Variants in IGF1R observed in about 807,000 individuals in gnomAD.
The protein encoded by IGF1R is insulin like growth factor 1 receptor, also known as insulin-like growth factor 1 receptor.
A neutral mutation model predicts 144.6 loss-of-function variants in IGF1R; 44 were observed. The ratio of observed to expected loss-of-function variants is 0.30; its 90% CI spans 0.24 to 0.39. The LOEUF (loss-of-function observed/expected upper bound fraction) is 0.39. Among genes scored for constraint, IGF1R ranks in the 10% least tolerant of loss-of-function variants. The pLI is 1.00. For synonymous variants in IGF1R, 795 were observed against 722.8 expected (o/e 1.10, Z -1.60); for missense variants, 1,355 against 1,833.7 (o/e 0.74, Z 4.77).
At chr15:98,950,216 C>G (rs1229455190) in intron 20 of IGF1R, among the ~76,000 whole-genome samples, 1 of 152,246 alleles carries the variant, frequency 6.6e-6, no homozygotes, top group Non-Finnish European at 1.5e-5. Flanking sequence ...GGAGCCAGCA[C>G]AGACTCAGGC....
Position 98,794,214 on chromosome 15 carries a change from C to T in IGF1R, c.640+86107C>T, listed in dbSNP as rs371394579. ...TTAGAAACGCCAGTCTAGACTTCCG[C>T]AGTTTTGGATTCGTGGCCATAGTTT... is the stretch of plus-strand genomic sequence containing the variant. On this transcript the variant is annotated intron_variant, in intron 2 of 20. Transcript: ENST00000650285. Among the ~76,000 whole-genome samples, 133 of 152,282 alleles carry T rather than the reference C, an allele frequency of 8.7e-4. 2 individuals are homozygous for T. In the South Asian group the frequency reaches 0.027, roughly 30 times the overall value.
At chr15:98,730,720 C>G (rs1003327141) in intron 2 of IGF1R, among the ~76,000 whole-genome samples, 3 of 152,098 alleles carry the variant, frequency 2.0e-5, no homozygotes, top group Non-Finnish European at 4.4e-5. Context: ...TTTAAATATT[C>G]GAGATCTGTA....
rs751054954 is a variant in IGF1R, at chr15:98,891,488, C to T, written c.804C>T (p.Thr268=). Residue 268 remains threonine (T), a synonymous_variant, in exon 3 of 21, where the codon ACC becomes ACT. Transcript: ENST00000650285. The surrounding 1 kb of genome is among the most constrained non-coding windows in gnomAD (Gnocchi z 4.7). ...GTGTGCCTGCCTGCCCGCCCAACAC[C>T]TACAGGTTTGAGGGCTGGCGCTGTG... The part of the protein sequence containing the change: ...GVCVPACPPN[T]YRFEGWRCVD... 1.2e-6 allele frequency: 2 copies of T among 1,613,972 alleles called. No homozygotes were observed. Among genetic ancestry groups the T allele is most frequent in the Non-Finnish European group, 1.7e-6 (2 of 1,180,048 alleles).
intron 2 of IGF1R, among the ~76,000 whole-genome samples, chr15:98,886,027 A>G (rs527355163): frequency 6.6e-6 from 1 of 152,314 alleles, no homozygotes; most frequent in South Asian, 2.1e-4. Context: ...CATGTTGGGC[A>G]GGCTGGTCTT....
intron 1 of IGF1R, among the ~76,000 whole-genome samples, chr15:98,684,787 A>T (rs182426889): frequency 6.6e-6 from 1 of 152,084 alleles, no homozygotes. Flanking sequence ...CTGGGCTTGC[A>T]TTCTATCCAG....
chr15:98,842,595 C>G (rs778903044), intron 2 of IGF1R, among the ~76,000 whole-genome samples: 1 of 152,136 alleles, frequency 6.6e-6, no homozygotes, highest in African/African-American at 2.4e-5. Context: ...GACAGTCATG[C>G]AATTATTTTT....
intron 1 of IGF1R, among the ~76,000 whole-genome samples, chr15:98,662,162 G>A (rs956160797): frequency 1.1e-4 from 17 of 150,520 alleles, no homozygotes; most frequent in Admixed American, 2.6e-4. Context: ...TTTTTTTCTA[G>A]TAGAGACGGG....
At chr15:98,738,526 A>G (rs905004179) in intron 2 of IGF1R, among the ~76,000 whole-genome samples, 71 of 152,174 alleles carry the variant, frequency 4.7e-4, no homozygotes, top group African/African-American at 1.7e-3. Flanking sequence ...ACAGAGTGAG[A>G]CTCTGCCCCA....
At chr15:98,879,289 A>G (rs1298618520) in intron 2 of IGF1R, among the ~76,000 whole-genome samples, 4 of 152,246 alleles carry the variant, frequency 2.6e-5, no homozygotes, top group African/African-American at 2.4e-5. Context: ...TTATAAAAAT[A>G]CAGTGATAGT....
chr15:98,882,040 T>G (rs893141662), intron 2 of IGF1R, among the ~76,000 whole-genome samples: 1 of 152,168 alleles, frequency 6.6e-6, no homozygotes, highest in African/African-American at 2.4e-5. Flanking sequence ...CAGCTATGTT[T>G]GATGATAGTT....
At chr15:98,715,681 G>T (rs1056043092) in intron 2 of IGF1R, among the ~76,000 whole-genome samples, 3 of 152,152 alleles carry the variant, frequency 2.0e-5, no homozygotes, top group African/African-American at 7.2e-5. Context: ...GTTAAGTTTG[G>T]CTGGTGGTGA....
chr15:98,929,657 A>G lies in IGF1R; in HGVS notation c.2882A>G (p.Lys961Arg), dbSNP rs142543491. 4 of 1,608,854 alleles carry G rather than the reference A, an allele frequency of 2.5e-6. No homozygotes were observed. The African/African-American group carries it at 4.0e-5, about 16-fold the overall frequency. ...ATTATGCTGTACGTCTTCCATAGAA[A>G]GAGGTCAGTGATGTGCAAAGTTATG... ...LVIMLYVFHR[K>R]RNNSRLGNGV... The change falls in exon 14 of 21, where the codon AAG becomes AGG. Residue 961 changes from lysine (K) to arginine (R), a missense_variant. By Grantham distance (26) the Lys-to-Arg change is conservative. This residue lies in a region of IGF1R where 880 missense variants were observed against 1,202.7 expected (regional missense o/e 0.73). Coordinates refer to ENST00000650285, the MANE Select transcript of IGF1R (RefSeq NM_000875.5).
At chr15:98,726,484 AT>A (rs2054362872) in intron 2 of IGF1R, among the ~76,000 whole-genome samples, 3 of 152,248 alleles carry the variant, frequency 2.0e-5, no homozygotes, top group African/African-American at 7.2e-5. Context: ...AGTAAACATG[AT>A]GTGGGTTCTA....
chr15:98,879,716 G>A (rs2013270688), intron 2 of IGF1R, among the ~76,000 whole-genome samples: 1 of 152,124 alleles, frequency 6.6e-6, no homozygotes, highest in Non-Finnish European at 1.5e-5. Flanking sequence ...TTTTATCACT[G>A]CACATTCATA....
At chr15:98,956,260 A>G (rs1343233477) in intron 20 of IGF1R, among the ~76,000 whole-genome samples, 1 of 152,212 alleles carries the variant, frequency 6.6e-6, no homozygotes, top group Non-Finnish European at 1.5e-5. Flanking sequence ...AGCCCAGCCG[A>G]TGCGACCGAC....
intron 5 of IGF1R, among the ~76,000 whole-genome samples, chr15:98,905,986 T>G (rs1233207651): frequency 6.6e-6 from 1 of 152,200 alleles, no homozygotes; most frequent in African/African-American, 2.4e-5. Flanking sequence ...AGGGTTTTAT[T>G]TTTATTTTTC....
intron 2 of IGF1R, among the ~76,000 whole-genome samples, chr15:98,841,871 A>G (rs928075339): frequency 2.0e-5 from 3 of 151,780 alleles, no homozygotes; most frequent in East Asian, 1.9e-4. Context: ...AAGTTCACCT[A>G]CTCCTTGGAA....
chr15:98,814,075 T>G (rs1239511527), intron 2 of IGF1R, among the ~76,000 whole-genome samples: 1 of 152,190 alleles, frequency 6.6e-6, no homozygotes, highest in Non-Finnish European at 1.5e-5. Context: ...TGTGGGATAA[T>G]TGAGGTATGT....
intron 1 of IGF1R, among the ~76,000 whole-genome samples, chr15:98,687,965 A>G (rs1386627405): frequency 6.6e-6 from 1 of 152,028 alleles, no homozygotes; most frequent in Non-Finnish European, 1.5e-5. Flanking sequence ...TGGAAATGGG[A>G]TACTTGGTGC....
Sources: gnomAD v4.1 joint callset for allele counts (sites outside exome capture counted in the v4.1 genomes callset) on GRCh38, gnomAD v4.1.1 for gene constraint, gnomAD v4.1.1 regional missense constraint, Gnocchi (gnomAD v3.1) non-coding constraint, MANE v1.5 for transcripts, NCBI Gene and HGNC (gene_info 2026-07-23, HGNC 2026-07-21) for gene names.